Variants in ALG9 observed in about 807,000 individuals in gnomAD.
ALG9 encodes ALG9 alpha-1,2-mannosyltransferase.
In ALG9, 55 loss-of-function variants were observed where a neutral mutation model predicts 81.8. The ratio of observed to expected loss-of-function variants is 0.67; its 90% CI spans 0.54 to 0.84. The LOEUF is 0.84. ALG9 is among the 40% of genes least tolerant of loss of function. The pLI, the probability that ALG9 is intolerant of heterozygous loss-of-function variation, is 0.00. For missense variants in ALG9, 629 were observed against 745.0 expected, an observed-to-expected ratio of 0.84 and a Z score of 1.81; for synonymous variants, 278 against 274.3, an observed-to-expected ratio of 1.01 and a Z score of -0.13.
chr11:111,786,226 G>A lies in ALG9; in HGVS notation c.*171C>T. ...AGAGACACACACAGGGAGCAAATGTGACTTTGATTAGACTTTGAAATAGAC... is the reference window on the plus strand; with the variant it reads ...AGAGACACACACAGGGAGCAAATGTAACTTTGATTAGACTTTGAAATAGAC... On this transcript the variant is annotated 3_prime_UTR_variant, in exon 15 of 15. Transcript: ENST00000616540. 2.8e-6 allele frequency: 3 copies of A among 1,071,738 alleles called. No homozygotes were observed. The highest frequency in any genetic ancestry group is 1.3e-5 in the South Asian group (1 of 77,842). The allele number at this position is 1,071,738 out of a possible 1,614,324, so 66.4% of individuals were successfully genotyped here.
At chr11:111,871,114 C>T in intron 1 of ALG9, 1 of 1,243,580 alleles carries the variant, frequency 8.0e-7, no homozygotes. Flanking sequence ...GGCCCAGGAG[C>T]ATCACAGATC....
chr11:111,799,953 T>C (rs367732917), intron 14 of ALG9, among the ~76,000 whole-genome samples: 60 of 152,314 alleles, frequency 3.9e-4, no homozygotes, highest in African/African-American at 1.4e-3. Context: ...CACCAGTACT[T>C]ATTTAATCCT....
intron 14 of ALG9, among the ~76,000 whole-genome samples, chr11:111,794,188 A>G (rs1289493913): frequency 1.3e-5 from 2 of 152,216 alleles, no homozygotes; most frequent in Admixed American, 1.3e-4. Context: ...TCAATGAATG[A>G]CTGGCTGCCA....
chr11:111,830,950 C>G (rs1555112966), intron 13 of ALG9, among the ~76,000 whole-genome samples: 2 of 152,152 alleles, frequency 1.3e-5, no homozygotes, highest in African/African-American at 2.4e-5. Flanking sequence ...GCAGAAGGAT[C>G]ACTTGAAGCC....
At chr11:111,844,516 T>G (rs916970159) in intron 9 of ALG9, 85 bp downstream of exon 9, 26 of 1,574,668 alleles carry the variant, frequency 1.7e-5, no homozygotes, top group African/African-American at 4.1e-5. Context: ...GAAAATAAAG[T>G]AAGTAGGATT....
At chr11:111,856,515 A>G (rs1192755855) in intron 6 of ALG9, among the ~76,000 whole-genome samples, 1 of 151,698 alleles carries the variant, frequency 6.6e-6, no homozygotes, top group Non-Finnish European at 1.5e-5. Context: ...ACACAGCATA[A>G]TTTTTCTGGA....
chr11:111,804,153 AAAC>A (rs1192289292), intron 14 of ALG9, among the ~76,000 whole-genome samples: 2 of 147,476 alleles, frequency 1.4e-5, no homozygotes, highest in African/African-American at 2.5e-5. Flanking sequence ...AAAAAAAAAG[AAAC>A]AACAACAACA....
intron 6 of ALG9, among the ~76,000 whole-genome samples, chr11:111,855,475 C>G (rs1958515015): frequency 1.3e-5 from 2 of 152,128 alleles, no homozygotes; most frequent in East Asian, 3.9e-4. Flanking sequence ...GATCCAGGAA[C>G]AAGGGGGAGT....
rs1958144040 is a variant in ALG9 at position 111,853,434 on chromosome 11, G to A, written c.841C>T (p.Pro281Ser). The change falls in exon 8 of 15, where the codon CCA becomes TCA. Residue 281 changes from proline (P) to serine (S), a missense_variant. Pro to Ser is a moderately conservative substitution (Grantham distance 74). Transcript: ENST00000616540. Reference sequence around the variant, plus strand: ...ACATTATACAAAACAATGTTGAGTGGTGCAATCACCAACTTCCCATAATAG... The same window carrying A: ...ACATTATACAAAACAATGTTGAGTGATGCAATCACCAACTTCCCATAATAG... ...SYYYGKLVIA[P>S]LNIVLYNVFT... The A allele has an allele frequency of 2.5e-6, 4 of 1,614,012 alleles. No homozygotes were observed. The highest frequency in any genetic ancestry group is 2.2e-5 in the South Asian group (2 of 91,072).
At chr11:111,825,711 C>T (rs544623525) in intron 13 of ALG9, among the ~76,000 whole-genome samples, 1 of 152,242 alleles carries the variant, frequency 6.6e-6, no homozygotes, top group South Asian at 2.1e-4. Context: ...ACTCTGAGGG[C>T]AAGATTTATG....
chr11:111,856,108 C>G (rs1555142881), intron 6 of ALG9, among the ~76,000 whole-genome samples: 1 of 151,904 alleles, frequency 6.6e-6, no homozygotes, highest in Non-Finnish European at 1.5e-5. Context: ...AAAACCTCGT[C>G]TCTATTAAAA....
At chr11:111,847,002 T>A (rs1228139703) in intron 8 of ALG9, among the ~76,000 whole-genome samples, 1 of 152,026 alleles carries the variant, frequency 6.6e-6, no homozygotes, top group Non-Finnish European at 1.5e-5. Context: ...TTCAATCAAA[T>A]GAGCTAAGGG....
chr11:111,871,363 C>T lies in ALG9; in HGVS notation c.120G>A (p.Glu40=). The T allele has an allele frequency of 6.5e-7, 1 of 1,530,978 alleles. No individual in the cohort carries two copies. Among genetic ancestry groups the T allele is most frequent in the Non-Finnish European group, 8.7e-7 (1 of 1,144,754 alleles). The allele number at this position is 1,530,978 out of a possible 1,614,324, so 94.8% of individuals were successfully genotyped here. ...CGCCGCACACGTACTCGGTCCGGTG[C>T]TCCGCGCCGCCCGCCTCTCGGCTGC... ...LLGSREAGGA[E]HRTELSGNKA... The change falls in exon 1 of 15, where the codon GAG becomes GAA. Residue 40 remains glutamate (E), a synonymous_variant. Coordinates refer to ENST00000616540, the MANE Select transcript of ALG9 (RefSeq NM_024740.2).
At chr11:111,819,574 C>T (rs1222818285) in intron 13 of ALG9, among the ~76,000 whole-genome samples, 1 of 152,230 alleles carries the variant, frequency 6.6e-6, no homozygotes, top group East Asian at 1.9e-4. Flanking sequence ...AGACAGTTTG[C>T]CCACAGCTAA....
intron 14 of ALG9, among the ~76,000 whole-genome samples, chr11:111,794,401 T>C (rs1555073403): frequency 6.6e-6 from 1 of 152,144 alleles, no homozygotes. Flanking sequence ...CTCCCTGATC[T>C]GTCTCCAGAG....
chr11:111,868,323 C>T (rs999654269), intron 3 of ALG9, among the ~76,000 whole-genome samples: 2 of 152,130 alleles, frequency 1.3e-5, no homozygotes, highest in South Asian at 4.1e-4. Flanking sequence ...TAAGACCCAC[C>T]ATATTTAGAA....
the ALG9 span, among the ~76,000 whole-genome samples, chr11:111,773,678 G>GA: frequency 1.3e-5 from 2 of 150,946 alleles, no homozygotes; most frequent in African/African-American, 4.9e-5. Flanking sequence ...ATACCACTCG[G>GA]AAAAAAATGT....
Position 111,816,399 on chromosome 11 carries a change from A to C in ALG9, c.1603-6626T>G, listed in dbSNP as rs377040702. The stretch of plus-strand genomic sequence containing the variant: ...GTAGTTGGCACTACGGGCATGCGCC[A>C]CCAGGCCTAGTTAATTTATTTTTAT... On this transcript the variant is annotated intron_variant, in intron 13 of 14. Coordinates refer to ENST00000616540, the MANE Select transcript of ALG9 (RefSeq NM_024740.2). 6.4e-4 allele frequency among the ~76,000 whole-genome samples: 97 copies of C among 152,228 alleles called. 3 individuals carry two copies. In the South Asian group the frequency reaches 0.02, roughly 32 times the overall value.
At chr11:111,825,503 T>C (rs1378552392) in intron 13 of ALG9, among the ~76,000 whole-genome samples, 1 of 152,180 alleles carries the variant, frequency 6.6e-6, no homozygotes, top group Non-Finnish European at 1.5e-5. Flanking sequence ...TTCAGGCCTT[T>C]GCAAAAGCTG....
Sources: gnomAD v4.1 joint callset for allele counts (sites outside exome capture counted in the v4.1 genomes callset) on GRCh38, gnomAD v4.1.1 for gene constraint, MANE v1.5 for transcripts, NCBI Gene and HGNC (gene_info 2026-07-23, HGNC 2026-07-21) for gene names.